FRK: variants seen among roughly 807,000 people sequenced by gnomAD.
The protein encoded by FRK is tyrosine-protein kinase FRK.
FRK carries 51 observed loss-of-function variants against 56.4 expected under a neutral mutation model. The observed-to-expected ratio is 0.90, with a 90% CI of 0.72 to 1.14. The LOEUF (loss-of-function observed/expected upper bound fraction) is 1.14, where lower values mean the gene tolerates loss of function less well. FRK is among the 50% of genes most tolerant of loss of function. The pLI, the probability that FRK is intolerant of heterozygous loss-of-function variation, is 0.00. For synonymous variants in FRK, 245 were observed against 217.9 expected, an observed-to-expected ratio of 1.12 and a Z score of -1.10; for missense variants, 570 against 601.4, an observed-to-expected ratio of 0.95 and a Z score of 0.55.
chr6:116,050,052 C>T lies in FRK; in HGVS notation c.344+9916G>A, dbSNP rs188189339. On this transcript the variant is annotated intron_variant, in intron 1 of 7. Transcript: ENST00000606080. ...ACTACATGGCAGACAGTTTTTGACA[C>T]GCTTATGGCATTTATCAGCATCTGT... 3.2e-3 allele frequency among the ~76,000 whole-genome samples: 484 copies of T among 152,196 alleles called. 13 individuals carry two copies. In the South Asian group the frequency reaches 0.048, roughly 15 times the overall value.
chr6:116,025,819 C>T (rs1392841503), intron 1 of FRK, among the ~76,000 whole-genome samples: 1 of 152,104 alleles, frequency 6.6e-6, no homozygotes, highest in African/African-American at 2.4e-5. Context: ...GGAAAACAAG[C>T]TATAGTTCTC....
intron 1 of FRK, among the ~76,000 whole-genome samples, chr6:116,028,646 A>C (rs931048022): frequency 2.6e-5 from 4 of 152,064 alleles, no homozygotes. Flanking sequence ...CCTCACATTC[A>C]CATAGCATTC....
intron 5 of FRK, among the ~76,000 whole-genome samples, chr6:115,954,881 C>A (rs1022262282): frequency 5.9e-5 from 9 of 152,050 alleles, no homozygotes; most frequent in African/African-American, 1.4e-4. Flanking sequence ...ATCAAAAGAA[C>A]TGAGCCACCA....
intron 1 of FRK, among the ~76,000 whole-genome samples, chr6:116,048,979 T>A (rs1777090283): frequency 1.3e-5 from 1 of 74,290 alleles, no homozygotes; most frequent in Non-Finnish European, 3.7e-5. Context: ...GCACTTCTTT[T>A]TTTTTTTTAA....
chr6:116,026,208 G>A (rs1247778123), intron 1 of FRK, among the ~76,000 whole-genome samples: 2 of 151,972 alleles, frequency 1.3e-5, no homozygotes, highest in Non-Finnish European at 2.9e-5. Flanking sequence ...GGAACTTTGT[G>A]TTTCTATAAT....
At chr6:116,099,056 A>G in the FRK span, among the ~76,000 whole-genome samples, 1 of 152,232 alleles carries the variant, frequency 6.6e-6, no homozygotes, top group African/African-American at 2.4e-5. Context: ...CAGCAAGTAC[A>G]TAAGATTGTT....
At chr6:115,979,929 T>C (rs569334332) in intron 2 of FRK, among the ~76,000 whole-genome samples, 7 of 152,174 alleles carry the variant, frequency 4.6e-5, no homozygotes, top group Non-Finnish European at 1.0e-4. Context: ...TGGACTCACC[T>C]AATGGCACAT....
At chr6:116,004,932 C>G (rs894015454) in intron 1 of FRK, among the ~76,000 whole-genome samples, 2 of 151,742 alleles carry the variant, frequency 1.3e-5, no homozygotes, top group African/African-American at 4.8e-5. Context: ...CAGGTAACTT[C>G]TTTAAAAATG....
intron 1 of FRK, among the ~76,000 whole-genome samples, chr6:116,041,600 C>A (rs1424497322): frequency 6.6e-6 from 1 of 152,080 alleles, no homozygotes; most frequent in Non-Finnish European, 1.5e-5. Context: ...CCACAGAGGG[C>A]AAGCAGAAGA....
At position 115,968,995 on chromosome 6, in the gene FRK, C is replaced by G. The variant is rs114707289; in HGVS notation, c.467-256G>C. Among the ~76,000 whole-genome samples the G allele has an allele frequency of 6.2e-3, 940 of 152,178 alleles. 10 individuals carry two copies. The highest frequency in any genetic ancestry group is 0.021 in the African/African-American group (874 of 41,518). ...GCTAGCACTAAAAGAATCCATGCTT[C>G]AAAGCCTAGTATACTTGATTAAAAC... On this transcript the variant is annotated intron_variant, in intron 2 of 7. Transcript: ENST00000606080.
Position 115,932,496 on chromosome 6 carries a change from T to C in FRK, c.*9918A>G, listed in dbSNP as rs983569521. The C allele has an allele frequency of 3.9e-5, 6 of 152,172 alleles. No individual in the cohort carries two copies. Among genetic ancestry groups the C allele is most frequent in the African/African-American group, 1.4e-4 (6 of 41,452 alleles). The allele number at this position is 152,172 out of a possible 1,614,324, so 9.4% of individuals were successfully genotyped here. ...ATTCCAATACCCAGGTGTACAAACC[T>C]CATTTACTTTTACTTTAAGAATGGC... On this transcript the variant is annotated 3_prime_UTR_variant, in exon 8 of 8. Coordinates refer to ENST00000606080, the MANE Select transcript of FRK (RefSeq NM_002031.3).
At chr6:116,022,581 T>A (rs755056060) in intron 1 of FRK, among the ~76,000 whole-genome samples, 20 of 152,160 alleles carry the variant, frequency 1.3e-4, no homozygotes, top group South Asian at 6.2e-4. Context: ...TGCAGAAAAA[T>A]CTTTTTGAAA....
chr6:115,941,170 A>C lies in FRK; in HGVS notation c.*1244T>G, dbSNP rs1772161375. On this transcript the variant is annotated 3_prime_UTR_variant, in exon 8 of 8. Transcript: ENST00000606080. Reference sequence around the variant, plus strand: ...ATGGAATACTATGCAGCCATAAAAAAGGATGAGTTCATGTCCTTCACAGGG... The same window carrying C: ...ATGGAATACTATGCAGCCATAAAAACGGATGAGTTCATGTCCTTCACAGGG... 1 of 152,278 alleles carries C rather than the reference A, an allele frequency of 6.6e-6. No individual in the cohort carries two copies. 9.4% of individuals were successfully genotyped at this position (152,278 alleles called of 1,614,324 possible). A position where few individuals can be genotyped will look rare whatever the true frequency, so the allele number is the denominator to read the frequency against.
chr6:116,048,908 A>C (rs947110682), intron 1 of FRK, among the ~76,000 whole-genome samples: 2 of 152,052 alleles, frequency 1.3e-5, no homozygotes, highest in Non-Finnish European at 2.9e-5. Flanking sequence ...GTATTCAAAA[A>C]TGTTATTTTC....
intron 2 of FRK, among the ~76,000 whole-genome samples, chr6:115,976,573 C>T (rs904350598): frequency 2.6e-5 from 4 of 152,094 alleles, no homozygotes; most frequent in African/African-American, 9.7e-5. Flanking sequence ...ATCATCTGGG[C>T]ATAGCCTTAT....
At chr6:116,021,116 G>A (rs552443889) in intron 1 of FRK, among the ~76,000 whole-genome samples, 1 of 151,568 alleles carries the variant, frequency 6.6e-6, no homozygotes, top group Non-Finnish European at 1.5e-5. Context: ...TGTTTTAAAT[G>A]CTGAGAAACA....
chr6:115,997,886 A>G (rs922223749), intron 2 of FRK, among the ~76,000 whole-genome samples: 5 of 152,200 alleles, frequency 3.3e-5, no homozygotes, highest in African/African-American at 1.2e-4. Flanking sequence ...CCACAGGCCA[A>G]GTGATTTCCT....
intron 1 of FRK, among the ~76,000 whole-genome samples, chr6:116,041,012 A>G (rs1003027617): frequency 6.6e-6 from 1 of 152,196 alleles, no homozygotes; most frequent in African/African-American, 2.4e-5. Flanking sequence ...AAAATTATCT[A>G]TTGGGATTCT....
chr6:115,995,610 A>G (rs1774808530), intron 2 of FRK, among the ~76,000 whole-genome samples: 1 of 152,148 alleles, frequency 6.6e-6, no homozygotes, highest in Admixed American at 6.5e-5. Context: ...AAAGAGGGAA[A>G]AAAAAGAAAA....
Sources: gnomAD v4.1 joint callset for allele counts (sites outside exome capture counted in the v4.1 genomes callset) on GRCh38, gnomAD v4.1.1 for gene constraint, MANE v1.5 for transcripts, NCBI Gene and HGNC (gene_info 2026-07-23, HGNC 2026-07-21) for gene names.